The following LINGO2 variants were observed in gnomAD, a reference collection of about 807,000 sequenced individuals.
LINGO2 encodes the protein leucine rich repeat and Ig domain containing 2, also known as leucine-rich repeat and immunoglobulin-like domain-containing nogo receptor-interacting protein 2.
LINGO2 carries 14 observed loss-of-function variants against 30.6 expected under a neutral mutation model. That is an observed-to-expected ratio of 0.46 (90% CI 0.30 to 0.72). LINGO2 has a LOEUF of 0.72. Ranked by LOEUF, LINGO2 falls within the 30% of genes least tolerant of loss-of-function variation. The pLI is 0.07. For synonymous variants in LINGO2, 317 were observed against 288.5 expected (o/e 1.10, Z -1.00); for missense variants, 729 against 751.7 (o/e 0.97, Z 0.35).
chr9:29,034,924 T>TTC, the LINGO2 span, among the ~76,000 whole-genome samples: 1 of 152,130 alleles, frequency 6.6e-6, no homozygotes, highest in Admixed American at 6.6e-5. Context: ...GTTCCTACTT[T>TTC]AGAAAGGTGA....
chr9:28,779,804 G>C, the LINGO2 span, among the ~76,000 whole-genome samples: 1 of 151,992 alleles, frequency 6.6e-6, no homozygotes, highest in Non-Finnish European at 1.5e-5. Context: ...AGAACCTGAT[G>C]CAAAGCATAC....
chr9:28,774,134 C>T, the LINGO2 span, among the ~76,000 whole-genome samples: 2 of 151,714 alleles, frequency 1.3e-5, no homozygotes, highest in South Asian at 4.2e-4. Context: ...ACACTTTAAA[C>T]AGCAAGAAAC....
intron 1 of LINGO2, among the ~76,000 whole-genome samples, chr9:28,608,797 A>G (rs1221949907): frequency 6.6e-6 from 1 of 151,958 alleles, no homozygotes; most frequent in African/African-American, 2.4e-5. Context: ...TTTCGTTTAT[A>G]TTATTCCTTG....
intron 4 of LINGO2, among the ~76,000 whole-genome samples, chr9:28,101,900 TC>T (rs937578070): frequency 6.6e-6 from 1 of 152,162 alleles, no homozygotes; most frequent in African/African-American, 2.4e-5. Flanking sequence ...TCACTTGTTT[TC>T]CCTGGGATAA....
chr9:28,727,614 C>G, the LINGO2 span, among the ~76,000 whole-genome samples: 1 of 150,212 alleles, frequency 6.7e-6, no homozygotes. Context: ...ACTTTTGTCA[C>G]CACTGGTCTT....
intron 4 of LINGO2, among the ~76,000 whole-genome samples, chr9:28,167,089 G>A (rs568718233): frequency 1.3e-4 from 19 of 151,572 alleles, no homozygotes; most frequent in African/African-American, 4.1e-4. Flanking sequence ...CTGAGGAAGA[G>A]CCTCAAGGGA....
chr9:28,766,031 T>C, the LINGO2 span, among the ~76,000 whole-genome samples: 4 of 152,046 alleles, frequency 2.6e-5, no homozygotes, highest in Admixed American at 2.6e-4. Context: ...GACATAGACC[T>C]TGGCAGTGAT....
the LINGO2 span, among the ~76,000 whole-genome samples, chr9:28,762,245 G>A: frequency 6.6e-6 from 1 of 151,730 alleles, no homozygotes; most frequent in Non-Finnish European, 1.5e-5. Flanking sequence ...GCCAATATAA[G>A]AGGCTGTTAT....
At chr9:28,204,384 A>G (rs1347777182) in intron 4 of LINGO2, among the ~76,000 whole-genome samples, 1 of 152,200 alleles carries the variant, frequency 6.6e-6, no homozygotes, top group Non-Finnish European at 1.5e-5. Context: ...TAACAAAAGG[A>G]CCTACTCACA....
chr9:28,499,186 A>G (rs1430107887), intron 1 of LINGO2, among the ~76,000 whole-genome samples: 9 of 152,168 alleles, frequency 5.9e-5, no homozygotes, highest in Non-Finnish European at 1.0e-4. Context: ...TTGGAGATGC[A>G]GAGGAATGAA....
At chr9:28,856,870 T>C in the LINGO2 span, among the ~76,000 whole-genome samples, 1 of 151,958 alleles carries the variant, frequency 6.6e-6, no homozygotes, top group Non-Finnish European at 1.5e-5. Context: ...ATAGTAGAAA[T>C]ACAGAGAAGA....
intron 1 of LINGO2, among the ~76,000 whole-genome samples, chr9:28,499,068 G>A (rs925373678): frequency 1.3e-5 from 2 of 151,976 alleles, no homozygotes; most frequent in Admixed American, 6.6e-5. Context: ...AGTAGCCTTC[G>A]ATTCATTTAT....
chr9:29,189,505 A>G, the LINGO2 span, among the ~76,000 whole-genome samples: 1 of 151,160 alleles, frequency 6.6e-6, no homozygotes, highest in African/African-American at 2.4e-5. Flanking sequence ...GCGGTGGGGC[A>G]GAGGTGCTCC....
At chr9:28,397,844 G>A (rs1178576887) in intron 2 of LINGO2, among the ~76,000 whole-genome samples, 1 of 152,082 alleles carries the variant, frequency 6.6e-6, no homozygotes, top group African/African-American at 2.4e-5. Flanking sequence ...ACCATACCCG[G>A]CCAATAGATG....
chr9:28,208,066 C>T (rs1181549543), intron 4 of LINGO2, among the ~76,000 whole-genome samples: 1 of 151,986 alleles, frequency 6.6e-6, no homozygotes, highest in East Asian at 1.9e-4. Flanking sequence ...AGGATTGGGC[C>T]ACTGTCCATT....
the LINGO2 span, among the ~76,000 whole-genome samples, chr9:29,047,678 A>C: frequency 6.6e-6 from 1 of 152,210 alleles, no homozygotes; most frequent in Non-Finnish European, 1.5e-5. Flanking sequence ...AAGAAGAAAA[A>C]AATTATACTT....
chr9:28,431,881 C>T (rs1185606760), intron 2 of LINGO2, among the ~76,000 whole-genome samples: 1 of 148,730 alleles, frequency 6.7e-6, no homozygotes, highest in Non-Finnish European at 1.5e-5. Context: ...TCCAACAATA[C>T]TTAATAGGAC....
chr9:28,583,789 G>GA, intron 1 of LINGO2, among the ~76,000 whole-genome samples: 1 of 151,986 alleles, frequency 6.6e-6, no homozygotes, highest in East Asian at 1.9e-4. Context: ...GACATGGTTT[G>GA]AAAACATCCC....
At chr9:28,083,896 T>C (rs543355724) in intron 4 of LINGO2, among the ~76,000 whole-genome samples, 2 of 152,146 alleles carry the variant, frequency 1.3e-5, no homozygotes, top group African/African-American at 2.4e-5. Flanking sequence ...AGAGGATGTA[T>C]GTGTTGAGAA....
Sources: gnomAD v4.1 joint callset for allele counts (sites outside exome capture counted in the v4.1 genomes callset) on GRCh38, gnomAD v4.1.1 for gene constraint, MANE v1.5 for transcripts, NCBI Gene and HGNC (gene_info 2026-07-23, HGNC 2026-07-21) for gene names.